Variants in WWOX observed in about 807,000 individuals in gnomAD.
The protein encoded by WWOX is WW domain-containing oxidoreductase.
Under a neutral mutation model 46.2 loss-of-function variants are expected in WWOX, and 69 were observed. The observed-to-expected ratio is 1.49, with a 90% CI of 1.23 to 1.82. The LOEUF is 1.82. Ranked by LOEUF, WWOX falls within the 40% of genes most tolerant of loss-of-function variation. The pLI, the probability that WWOX is intolerant of heterozygous loss-of-function variation, is 0.00. For synonymous variants in WWOX, 359 were observed against 202.6 expected, an observed-to-expected ratio of 1.77 and a Z score of -6.56; for missense variants, 919 against 542.6, an observed-to-expected ratio of 1.69 and a Z score of -6.89.
intron 8 of WWOX, among the ~76,000 whole-genome samples, chr16:78,638,159 AATT>A (rs1180211646): frequency 6.6e-6 from 1 of 152,150 alleles, no homozygotes; most frequent in East Asian, 1.9e-4. Flanking sequence ...TTCCCATGGC[AATT>A]ATTTTACATG....
chr16:79,064,689 A>T (rs139900614), intron 8 of WWOX, among the ~76,000 whole-genome samples: 3 of 152,354 alleles, frequency 2.0e-5, no homozygotes, highest in African/African-American at 7.2e-5. Flanking sequence ...AGAGATGGTG[A>T]CAGTAGAGAG....
chr16:78,871,535 G>C (rs188057046), intron 8 of WWOX, among the ~76,000 whole-genome samples: 8 of 152,178 alleles, frequency 5.3e-5, no homozygotes, highest in Admixed American at 3.9e-4. Context: ...AGCAGTTCAC[G>C]CTTGGATGAC....
chr16:78,792,019 C>G (rs111832831), intron 8 of WWOX, among the ~76,000 whole-genome samples: 4,667 of 152,134 alleles, frequency 0.031, 123 homozygotes, highest in Non-Finnish European at 0.045. Context: ...TGGACATTCC[C>G]TTATTTCACC....
chr16:79,177,794 A>G (rs919098274), intron 8 of WWOX, among the ~76,000 whole-genome samples: 7 of 152,254 alleles, frequency 4.6e-5, no homozygotes, highest in Admixed American at 2.0e-4. Flanking sequence ...TTTGTGGACC[A>G]TAGGGCCTGT....
At chr16:78,757,316 C>G (rs185099250) in intron 8 of WWOX, among the ~76,000 whole-genome samples, 70 of 139,810 alleles carry the variant, frequency 5.0e-4, no homozygotes, top group Middle Eastern at 3.5e-3. Flanking sequence ...TTGTTACTTT[C>G]TTACCACCTA....
At chr16:78,477,033 T>G (rs2084367313) in intron 8 of WWOX, among the ~76,000 whole-genome samples, 1 of 152,172 alleles carries the variant, frequency 6.6e-6, no homozygotes. Flanking sequence ...ATAAATTATT[T>G]ATACATTTAA....
intron 8 of WWOX, among the ~76,000 whole-genome samples, chr16:79,194,109 T>C (rs181021985): frequency 1.3e-5 from 2 of 152,150 alleles, no homozygotes; most frequent in East Asian, 1.9e-4. Context: ...AAAGAAAGTT[T>C]AGAGCAGCGT....
Position 78,342,020 on chromosome 16 carries a change from G to A in WWOX, c.517-44840G>A, listed in dbSNP as rs577925881. Among the ~76,000 whole-genome samples, 5 of 120,854 alleles carry A rather than the reference G, an allele frequency of 4.1e-5. 1 individual carries two copies. In the South Asian group the frequency reaches 1.2e-3, roughly 30 times the overall value. The allele number at this position is 120,854 out of a possible 152,430, so 79.3% of individuals were successfully genotyped here. On this transcript the variant is annotated intron_variant, in intron 5 of 8. Coordinates refer to ENST00000566780, the MANE Select transcript of WWOX (RefSeq NM_016373.4). ...AGTACCAGGTACTTCGGAGGCTGAG[G>A]CAGCAGAATGGCTTGAGCCTGGGAG...
intron 8 of WWOX, among the ~76,000 whole-genome samples, chr16:78,760,164 C>G (rs1417314867): frequency 6.6e-6 from 1 of 152,132 alleles, no homozygotes; most frequent in Non-Finnish European, 1.5e-5. Flanking sequence ...AGGCACATCT[C>G]ACACGGCAGC....
intron 8 of WWOX, among the ~76,000 whole-genome samples, chr16:78,497,461 A>T (rs1038482823): frequency 1.3e-5 from 2 of 152,232 alleles, no homozygotes; most frequent in Non-Finnish European, 2.9e-5. Context: ...GCAAAAATAG[A>T]CAACTGGGAT....
chr16:78,505,059 ATT>A (rs2085160260), intron 8 of WWOX, among the ~76,000 whole-genome samples: 1 of 152,116 alleles, frequency 6.6e-6, no homozygotes, highest in Non-Finnish European at 1.5e-5. Flanking sequence ...TCTAAGGGAT[ATT>A]ATTGTTCCTG....
chr16:78,439,046 C>A (rs1244804415), intron 8 of WWOX, among the ~76,000 whole-genome samples: 2 of 152,296 alleles, frequency 1.3e-5, no homozygotes, highest in East Asian at 1.9e-4. Flanking sequence ...CTCCCCCTTT[C>A]CATCTTTAAA....
chr16:78,781,286 T>A (rs2050317261), intron 8 of WWOX, among the ~76,000 whole-genome samples: 1 of 152,136 alleles, frequency 6.6e-6, no homozygotes, highest in Non-Finnish European at 1.5e-5. Context: ...TTTTGGAAAT[T>A]CTGCACCTCA....
At chr16:78,438,161 C>A (rs2151391723) in intron 8 of WWOX, among the ~76,000 whole-genome samples, 1 of 152,242 alleles carries the variant, frequency 6.6e-6, no homozygotes, top group South Asian at 2.1e-4. Flanking sequence ...TATGTATCAG[C>A]ATATATTTTC....
At chr16:78,621,312 C>G (rs1005593342) in intron 8 of WWOX, among the ~76,000 whole-genome samples, 5 of 151,976 alleles carry the variant, frequency 3.3e-5, no homozygotes, top group Non-Finnish European at 7.4e-5. Flanking sequence ...TTTTCATGCC[C>G]CCTTCTAACC....
intron 8 of WWOX, chr16:78,873,468 C>G (rs1317668833): frequency 6.6e-6 from 1 of 151,932 alleles, no homozygotes; most frequent in African/African-American, 2.4e-5. Flanking sequence ...ACAGCTTAGT[C>G]TTTGGGAGAT....
chr16:79,076,219 G>A (rs2048653275), intron 8 of WWOX, among the ~76,000 whole-genome samples: 1 of 152,152 alleles, frequency 6.6e-6, no homozygotes, highest in Non-Finnish European at 1.5e-5. Flanking sequence ...TGAAATCTGT[G>A]GGTTATGTGT....
chr16:78,736,973 A>C (rs1320349790), intron 8 of WWOX, among the ~76,000 whole-genome samples: 5 of 152,158 alleles, frequency 3.3e-5, no homozygotes, highest in African/African-American at 1.2e-4. Context: ...GCCCATAAAA[A>C]ACAGATTCCA....
chr16:78,457,404 A>G (rs1228365139), intron 8 of WWOX, among the ~76,000 whole-genome samples: 2 of 152,232 alleles, frequency 1.3e-5, no homozygotes, highest in Non-Finnish European at 1.5e-5. Flanking sequence ...TGCACCAACC[A>G]GGTATTGCTT....
Sources: gnomAD v4.1 joint callset for allele counts (sites outside exome capture counted in the v4.1 genomes callset) on GRCh38, gnomAD v4.1.1 for gene constraint, MANE v1.5 for transcripts, NCBI Gene and HGNC (gene_info 2026-07-23, HGNC 2026-07-21) for gene names.